Variants in KLRG1 observed in about 807,000 individuals in gnomAD.
KLRG1 encodes killer cell lectin-like receptor subfamily G member 1.
A neutral mutation model predicts 21.8 loss-of-function variants in KLRG1; 16 were observed. That is an observed-to-expected ratio of 0.73 (90% CI 0.50 to 1.11). The LOEUF is 1.11. Ranked by LOEUF, KLRG1 falls within the 50% of genes most tolerant of loss-of-function variation. KLRG1 has a pLI of 0.00. For missense variants in KLRG1, 173 were observed against 218.3 expected (o/e 0.79, Z 1.31); for synonymous variants, 69 against 75.9 (o/e 0.91, Z 0.47).
the KLRG1 span, among the ~76,000 whole-genome samples, chr12:9,116,594 C>T: frequency 6.6e-6 from 1 of 152,188 alleles, no homozygotes; most frequent in African/African-American, 2.4e-5. Context: ...ACTACACAGA[C>T]TTCCTTACTG....
At chr12:9,020,814 T>C in the KLRG1 span, among the ~76,000 whole-genome samples, 1 of 152,210 alleles carries the variant, frequency 6.6e-6, no homozygotes. Context: ...ATGGTAGATG[T>C]ATAGTTATGT....
At chr12:9,093,456 G>T in the KLRG1 span, 1 of 1,600,038 alleles carries the variant, frequency 6.2e-7, no homozygotes, top group Non-Finnish European at 8.6e-7. Flanking sequence ...TATGCAGGAA[G>T]TTACTTACTT....
the KLRG1 span, chr12:9,112,113 C>T: frequency 9.4e-6 from 15 of 1,594,042 alleles, no homozygotes; most frequent in Admixed American, 2.3e-4. Context: ...AGGTTCCCAG[C>T]CTGTTTATAC....
At chr12:9,068,317 T>C in the KLRG1 span, 2 of 1,287,660 alleles carry the variant, frequency 1.6e-6, no homozygotes, top group Non-Finnish European at 1.1e-6. Context: ...AGGAAGGAGT[T>C]TGTTGTGGGA....
the KLRG1 span, chr12:9,072,809 C>T: frequency 5.0e-6 from 8 of 1,614,070 alleles, no homozygotes; most frequent in Admixed American, 6.7e-5. Flanking sequence ...GTGCAGCCTT[C>T]CCAGTCCTGG....
the KLRG1 span, among the ~76,000 whole-genome samples, chr12:9,087,614 T>G: frequency 6.6e-6 from 1 of 152,142 alleles, no homozygotes; most frequent in Non-Finnish European, 1.5e-5. Flanking sequence ...TAGTTAATAA[T>G]AGTGTATTTT....
the KLRG1 span, chr12:9,201,071 A>G: frequency 6.2e-7 from 1 of 1,613,562 alleles, no homozygotes; most frequent in Non-Finnish European, 8.5e-7. Flanking sequence ...CTGAAGGGAA[A>G]CAAGAAACAT....
At chr12:9,029,535 G>A in the KLRG1 span, among the ~76,000 whole-genome samples, 2 of 152,150 alleles carry the variant, frequency 1.3e-5, no homozygotes, top group African/African-American at 4.8e-5. Flanking sequence ...CAGTCACCTT[G>A]TTGCACACTA....
At chr12:9,117,407 A>G in the KLRG1 span, among the ~76,000 whole-genome samples, 3 of 152,130 alleles carry the variant, frequency 2.0e-5, no homozygotes, top group Non-Finnish European at 4.4e-5. Context: ...GAACTATGGA[A>G]TTTGTGGTGG....
At chr12:9,110,020 G>A in the KLRG1 span, 9 of 1,611,004 alleles carry the variant, frequency 5.6e-6, no homozygotes, top group African/African-American at 2.7e-5. Flanking sequence ...TGTGCGATGC[G>A]ATTTCCTTTG....
chr12:9,165,887 A>G, the KLRG1 span, among the ~76,000 whole-genome samples: 1 of 152,256 alleles, frequency 6.6e-6, no homozygotes, highest in Non-Finnish European at 1.5e-5. Flanking sequence ...AGACAATTGT[A>G]TTAATGAGCC....
chr12:9,005,061 AT>A (rs1271751076), intron 3 of KLRG1, among the ~76,000 whole-genome samples: 2 of 152,190 alleles, frequency 1.3e-5, no homozygotes, highest in Admixed American at 1.3e-4. Context: ...ATCAACCAAA[AT>A]GTTCAACAAC....
the KLRG1 span, chr12:9,162,575 G>A: frequency 4.6e-6 from 7 of 1,536,864 alleles, no homozygotes; most frequent in Non-Finnish European, 6.3e-6. Flanking sequence ...ATCTCACTAT[G>A]ATTATGAAGA....
At chr12:9,166,098 G>T in the KLRG1 span, 4 of 1,612,390 alleles carry the variant, frequency 2.5e-6, no homozygotes, top group Non-Finnish European at 2.5e-6. Flanking sequence ...AAATAGCTTC[G>T]CACCGTTTCA....
chr12:8,955,416 A>G (rs1946274989), intron 1 of KLRG1, among the ~76,000 whole-genome samples: 1 of 93,214 alleles, frequency 1.1e-5, no homozygotes, highest in African/African-American at 4.3e-5. Flanking sequence ...TTTTTTTGAG[A>G]TAGAGTCTCT....
At chr12:9,187,870 A>T in the KLRG1 span, among the ~76,000 whole-genome samples, 1 of 152,216 alleles carries the variant, frequency 6.6e-6, no homozygotes, top group African/African-American at 2.4e-5. Flanking sequence ...TCAAGATGGA[A>T]AAAATGGCAG....
At chr12:9,072,714 A>G in the KLRG1 span, 21 of 1,614,144 alleles carry the variant, frequency 1.3e-5, no homozygotes, top group Non-Finnish European at 1.8e-5. Context: ...CAGCTCTGGC[A>G]ATGAGACCTG....
chr12:9,004,661 C>T (rs1001591216), intron 3 of KLRG1, among the ~76,000 whole-genome samples: 2 of 152,058 alleles, frequency 1.3e-5, no homozygotes, highest in East Asian at 1.9e-4. Context: ...TTTTACTTTT[C>T]GTAAAGATAG....
chr12:9,190,639 C>G, the KLRG1 span, among the ~76,000 whole-genome samples: 1 of 152,024 alleles, frequency 6.6e-6, no homozygotes, highest in African/African-American at 2.4e-5. Flanking sequence ...ACAACAAACC[C>G]CATGACACGA....
Sources: gnomAD v4.1 joint callset for allele counts (sites outside exome capture counted in the v4.1 genomes callset) on GRCh38, gnomAD v4.1.1 for gene constraint, MANE v1.5 for transcripts, NCBI Gene and HGNC (gene_info 2026-07-23, HGNC 2026-07-21) for gene names.